SAMD5: variants seen among roughly 807,000 people sequenced by gnomAD.
SAMD5 encodes sterile alpha motif domain containing 5, also known as sterile alpha motif domain-containing protein 5.
Under a neutral mutation model 11.3 loss-of-function variants are expected in SAMD5, and 13 were observed. The observed-to-expected ratio is 1.15, with a 90% CI of 0.75 to 1.83. The LOEUF (loss-of-function observed/expected upper bound fraction) is 1.83, where lower values mean the gene tolerates loss of function less well. Ranked by LOEUF, SAMD5 falls within the 40% of genes most tolerant of loss-of-function variation. The pLI is 0.00. For missense variants in SAMD5, 255 were observed against 239.1 expected, an observed-to-expected ratio of 1.07 and a Z score of -0.44; for synonymous variants, 129 against 111.3, an observed-to-expected ratio of 1.16 and a Z score of -1.00.
At chr6:147,889,683 C>A in the SAMD5 span, among the ~76,000 whole-genome samples, 1 of 152,214 alleles carries the variant, frequency 6.6e-6, no homozygotes, top group Admixed American at 6.5e-5. Context: ...TGCTCCCCAA[C>A]AATGACGGGA....
At chr6:147,828,666 A>G in the SAMD5 span, among the ~76,000 whole-genome samples, 1 of 152,204 alleles carries the variant, frequency 6.6e-6, no homozygotes, top group East Asian at 1.9e-4. Context: ...CTCAGCTTGC[A>G]AACAGCCTAT....
At chr6:147,878,190 G>A in the SAMD5 span, among the ~76,000 whole-genome samples, 1 of 152,076 alleles carries the variant, frequency 6.6e-6, no homozygotes, top group Middle Eastern at 3.4e-3. Flanking sequence ...CCAGGGGCTG[G>A]GAAGTCCAAG....
chr6:147,622,780 C>A (rs1479937617), intron 1 of SAMD5, among the ~76,000 whole-genome samples: 1 of 152,128 alleles, frequency 6.6e-6, no homozygotes, highest in Non-Finnish European at 1.5e-5. Flanking sequence ...ATACCCAAGA[C>A]AGGGTAATTT....
the SAMD5 span, among the ~76,000 whole-genome samples, chr6:147,823,460 A>G: frequency 0.052 from 7,912 of 152,278 alleles, 682 homozygotes; most frequent in African/African-American, 0.18. Context: ...AAATCTAAAA[A>G]TATAATTGCA....
the SAMD5 span, among the ~76,000 whole-genome samples, chr6:147,776,991 C>T: frequency 6.6e-6 from 1 of 152,300 alleles, no homozygotes; most frequent in Admixed American, 6.5e-5. Flanking sequence ...TTCAAGACTG[C>T]CTTCTATTAA....
rs537000810 is a variant in SAMD5, at chr6:147,623,557, T to C, written c.163-113760T>C. 2.0e-3 allele frequency among the ~76,000 whole-genome samples: 303 copies of C among 152,350 alleles called. 1 individual carries two copies. Among genetic ancestry groups the C allele is most frequent in the African/African-American group, 6.9e-3 (287 of 41,594 alleles). On this transcript the variant is annotated intron_variant, in intron 1 of 1. Coordinates refer to the SAMD5 transcript ENST00000566741. ...TAATCTGATATTATCTTTGCCATTTTCGTGATGTATTTTCTTGTTAGAGCA... is the reference window on the plus strand; with the variant it reads ...TAATCTGATATTATCTTTGCCATTTCCGTGATGTATTTTCTTGTTAGAGCA...
the SAMD5 span, among the ~76,000 whole-genome samples, chr6:147,779,668 G>T: frequency 6.6e-5 from 10 of 152,102 alleles, no homozygotes; most frequent in Admixed American, 5.9e-4. Flanking sequence ...AATTGCTGAA[G>T]GTTTCAAATA....
At chr6:147,914,563 A>G in the SAMD5 span, among the ~76,000 whole-genome samples, 1 of 152,184 alleles carries the variant, frequency 6.6e-6, no homozygotes, top group African/African-American at 2.4e-5. Flanking sequence ...GAAGTGCTGA[A>G]TTGGAGAGTC....
chr6:147,579,134 A>G (rs994551378), intron 1 of SAMD5, among the ~76,000 whole-genome samples: 2 of 152,274 alleles, frequency 1.3e-5, no homozygotes, highest in Admixed American at 6.5e-5. Context: ...CTCTGAGGGA[A>G]CACAAGGAGG....
At chr6:147,908,696 G>A in the SAMD5 span, among the ~76,000 whole-genome samples, 1 of 152,162 alleles carries the variant, frequency 6.6e-6, no homozygotes, top group East Asian at 1.9e-4. Context: ...CCAACAGAGA[G>A]AGACACTGAA....
chr6:147,948,695 A>T, the SAMD5 span, among the ~76,000 whole-genome samples: 1 of 151,968 alleles, frequency 6.6e-6, no homozygotes, highest in Non-Finnish European at 1.5e-5. Context: ...TATACATTGG[A>T]TCTATTTGCC....
chr6:147,812,169 G>C, the SAMD5 span, among the ~76,000 whole-genome samples: 1 of 152,180 alleles, frequency 6.6e-6, no homozygotes, highest in African/African-American at 2.4e-5. Context: ...GGTTAGTCAT[G>C]GGACTTGACA....
chr6:147,896,084 T>A, the SAMD5 span, among the ~76,000 whole-genome samples: 5 of 152,250 alleles, frequency 3.3e-5, no homozygotes, highest in Non-Finnish European at 5.9e-5. Context: ...GTGATTAAAT[T>A]ATTCTCCTGG....
the SAMD5 span, among the ~76,000 whole-genome samples, chr6:147,884,817 C>T: frequency 6.6e-6 from 1 of 152,086 alleles, no homozygotes; most frequent in Admixed American, 6.6e-5. Flanking sequence ...AATTGAATGA[C>T]AGCACCTAAA....
At chr6:147,624,797 C>A (rs113889354) in intron 1 of SAMD5, among the ~76,000 whole-genome samples, 3,288 of 151,696 alleles carry the variant, frequency 0.022, 116 homozygotes, top group African/African-American at 0.074. Flanking sequence ...GATAGGTGTA[C>A]CAACATCTCA....
intron 1 of SAMD5, among the ~76,000 whole-genome samples, chr6:147,720,755 A>T (rs1189833227): frequency 1.3e-5 from 2 of 151,618 alleles, no homozygotes; most frequent in Admixed American, 6.6e-5. Context: ...TGTGCAGGTT[A>T]GTTCCATATG....
At chr6:147,686,585 A>T (rs1284392400) in intron 1 of SAMD5, among the ~76,000 whole-genome samples, 1 of 152,168 alleles carries the variant, frequency 6.6e-6, no homozygotes, top group Admixed American at 6.5e-5. Flanking sequence ...ATGTGTCCAT[A>T]TAAGCATGAG....
the SAMD5 span, among the ~76,000 whole-genome samples, chr6:147,776,732 T>C: frequency 6.6e-6 from 1 of 152,282 alleles, no homozygotes; most frequent in African/African-American, 2.4e-5. Flanking sequence ...TAAAGTATTG[T>C]TTTTAAATGC....
intron 1 of SAMD5, among the ~76,000 whole-genome samples, chr6:147,656,238 AG>A (rs1163239327): frequency 2.0e-5 from 3 of 152,204 alleles, no homozygotes; most frequent in African/African-American, 7.2e-5. Context: ...TACACACGCT[AG>A]CAGAAAACAT....
Sources: gnomAD v4.1 joint callset for allele counts (sites outside exome capture counted in the v4.1 genomes callset) on GRCh38, gnomAD v4.1.1 for gene constraint, MANE v1.5 for transcripts, NCBI Gene and HGNC (gene_info 2026-07-23, HGNC 2026-07-21) for gene names.